Variants in AGBL4 observed in about 807,000 individuals in gnomAD.
The protein encoded by AGBL4 is cytosolic carboxypeptidase 6.
AGBL4 carries 58 observed loss-of-function variants against 66.4 expected under a neutral mutation model. The ratio of observed to expected loss-of-function variants is 0.87; its 90% CI spans 0.71 to 1.09. AGBL4 has a LOEUF of 1.09. AGBL4 is among the 50% of genes least tolerant of loss of function. AGBL4 has a pLI of 0.00. For missense variants in AGBL4, 579 were observed against 631.0 expected (o/e 0.92, Z 0.88); for synonymous variants, 234 against 222.9 (o/e 1.05, Z -0.44).
At chr1:49,502,347 T>C (rs1263354918) in intron 3 of AGBL4, among the ~76,000 whole-genome samples, 1 of 152,130 alleles carries the variant, frequency 6.6e-6, no homozygotes, top group Non-Finnish European at 1.5e-5. Context: ...TAAACTCCTC[T>C]TCATATATTC....
chr1:49,901,303 T>C (rs1557562348), intron 1 of AGBL4, among the ~76,000 whole-genome samples: 1 of 152,198 alleles, frequency 6.6e-6, no homozygotes, highest in East Asian at 1.9e-4. Flanking sequence ...CAACAGCTTA[T>C]GTCCAAAAGC....
chr1:48,888,955 C>A (rs1650643410), intron 5 of AGBL4, among the ~76,000 whole-genome samples: 5 of 152,166 alleles, frequency 3.3e-5, no homozygotes, highest in Admixed American at 3.3e-4. Context: ...GTCTCAGCCT[C>A]AGGGCAACAC....
chr1:49,751,507 ATAG>A (rs1651462209), intron 2 of AGBL4, among the ~76,000 whole-genome samples: 1 of 152,214 alleles, frequency 6.6e-6, no homozygotes, highest in Non-Finnish European at 1.5e-5. Context: ...GGATTTTCGC[ATAG>A]AGATTCATCA....
chr1:49,845,380 C>T, intron 2 of AGBL4: 3 of 1,386,882 alleles, frequency 2.2e-6, no homozygotes, highest in Non-Finnish European at 2.1e-6. Context: ...CTTTAGCCAA[C>T]ACAAGTGAAC....
chr1:49,207,586 C>CTTTCTTTCTT (rs1553166451), intron 4 of AGBL4, among the ~76,000 whole-genome samples: 57 of 105,718 alleles, frequency 5.4e-4, no homozygotes, highest in African/African-American at 1.0e-3. Context: ...TTCTTTCTTT[C>CTTTCTTTCTT]TTTCTTTCTT....
At chr1:49,598,594 A>G (rs1462746849) in intron 3 of AGBL4, among the ~76,000 whole-genome samples, 1 of 151,858 alleles carries the variant, frequency 6.6e-6, no homozygotes, top group East Asian at 1.9e-4. Context: ...TCAGAGGAGT[A>G]CCCGGCCGTG....
intron 6 of AGBL4, among the ~76,000 whole-genome samples, chr1:48,776,150 G>A (rs1440294664): frequency 6.6e-6 from 1 of 152,102 alleles, no homozygotes; most frequent in East Asian, 1.9e-4. Context: ...ACTCCAAGGA[G>A]GTACCAACAG....
chr1:49,393,412 A>G (rs1644890906), intron 3 of AGBL4, among the ~76,000 whole-genome samples: 3 of 152,248 alleles, frequency 2.0e-5, no homozygotes, highest in African/African-American at 7.2e-5. Flanking sequence ...TCCCAATACT[A>G]TATTGTTATG....
At chr1:49,148,995 C>T (rs1033188140) in intron 4 of AGBL4, among the ~76,000 whole-genome samples, 7 of 152,196 alleles carry the variant, frequency 4.6e-5, no homozygotes, top group East Asian at 1.9e-4. Context: ...ACACAGGAAG[C>T]GTCTAGAGCT....
chr1:48,932,890 G>A (rs1016585987), intron 5 of AGBL4, among the ~76,000 whole-genome samples: 2 of 152,094 alleles, frequency 1.3e-5, no homozygotes, highest in South Asian at 2.1e-4. Context: ...ATGTTTGACT[G>A]TAGTCTAGAG....
intron 4 of AGBL4, among the ~76,000 whole-genome samples, chr1:49,234,649 A>G (rs187972718): frequency 2.6e-5 from 4 of 152,226 alleles, no homozygotes; most frequent in African/African-American, 9.6e-5. Context: ...TTGTCTCCAC[A>G]GTTGCCTCCC....
intron 6 of AGBL4, among the ~76,000 whole-genome samples, chr1:48,828,053 G>A (rs1001312341): frequency 7.3e-5 from 10 of 136,732 alleles, no homozygotes; most frequent in Non-Finnish European, 1.1e-4. Context: ...CAAATTAGCC[G>A]GGCATGGTGG....
chr1:49,695,630 A>G (rs972408112), intron 3 of AGBL4, among the ~76,000 whole-genome samples: 1 of 152,018 alleles, frequency 6.6e-6, no homozygotes, highest in Non-Finnish European at 1.5e-5. Context: ...TAAAACCAAA[A>G]AGCAAAGCTA....
intron 6 of AGBL4, among the ~76,000 whole-genome samples, chr1:48,718,662 C>T (rs1252575601): frequency 6.6e-6 from 1 of 152,266 alleles, no homozygotes; most frequent in South Asian, 2.1e-4. Context: ...TACTTCCCCA[C>T]CTGGAGTGCT....
At chr1:48,870,366 A>G (rs1469282721) in intron 5 of AGBL4, among the ~76,000 whole-genome samples, 1 of 151,836 alleles carries the variant, frequency 6.6e-6, no homozygotes, top group African/African-American at 2.4e-5. Context: ...CACTGATCCT[A>G]CTTGAGGACA....
chr1:49,779,021 A>T (rs1644269915), intron 2 of AGBL4, among the ~76,000 whole-genome samples: 1 of 152,210 alleles, frequency 6.6e-6, no homozygotes, highest in Non-Finnish European at 1.5e-5. Flanking sequence ...CTACCAAAAC[A>T]TACAACAATC....
At chr1:49,390,148 A>G (rs1000138715) in intron 3 of AGBL4, among the ~76,000 whole-genome samples, 9 of 152,192 alleles carry the variant, frequency 5.9e-5, no homozygotes, top group Non-Finnish European at 1.3e-4. Context: ...CAGAGCCGTG[A>G]CTATCACCAT....
At chr1:49,602,701 G>C (rs958380764) in intron 3 of AGBL4, among the ~76,000 whole-genome samples, 2 of 152,098 alleles carry the variant, frequency 1.3e-5, no homozygotes, top group Admixed American at 1.3e-4. Flanking sequence ...CGTGGGGTTG[G>C]GGGGCTAGGG....
intron 2 of AGBL4, among the ~76,000 whole-genome samples, chr1:49,771,410 T>G (rs1644054748): frequency 6.6e-6 from 1 of 152,122 alleles, no homozygotes; most frequent in Non-Finnish European, 1.5e-5. Flanking sequence ...TGTTGTGGGA[T>G]CTAACATATT....
Sources: allele counts gnomAD v4.1 joint callset (sites outside exome capture counted in the v4.1 genomes callset), GRCh38; gene constraint gnomAD v4.1.1; transcripts MANE v1.5; gene names NCBI Gene and HGNC (gene_info 2026-07-23, HGNC 2026-07-21).